The following DDX60 variants were observed in gnomAD, a reference collection of about 807,000 sequenced individuals.
DDX60 encodes the protein DExD/H-box helicase 60, also known as probable ATP-dependent RNA helicase DDX60.
Under a neutral mutation model 212.8 loss-of-function variants are expected in DDX60, and 165 were observed. The ratio of observed to expected loss-of-function variants is 0.78; its 90% CI spans 0.68 to 0.88. The LOEUF is 0.88. DDX60 is among the 40% of genes least tolerant of loss of function. The pLI, the probability that DDX60 is intolerant of heterozygous loss-of-function variation, is 0.00. For missense variants in DDX60, 1,905 were observed against 2,003.9 expected (o/e 0.95, Z 0.94); for synonymous variants, 703 against 685.3 (o/e 1.03, Z -0.40).
At chr4:168,297,297 CGAAAGAAAGAAAGAAAGAAA>C (rs70961508) in intron 6 of DDX60, among the ~76,000 whole-genome samples, 3,380 of 67,380 alleles carry the variant, frequency 0.05, 103 homozygotes, top group East Asian at 0.073. Context: ...GAGAGAGAGA[CGAAAGAAAGAAAGAAAGAAA>C]GAAAGAAAGA....
At chr4:168,250,080 C>T (rs1438536503) in intron 28 of DDX60, among the ~76,000 whole-genome samples, 2 of 152,320 alleles carry the variant, frequency 1.3e-5, no homozygotes, top group Admixed American at 1.3e-4. Context: ...AATCCCTGCG[C>T]ACTGTCATGG....
At chr4:168,301,609 G>T (rs146078019) in intron 6 of DDX60, among the ~76,000 whole-genome samples, 330 of 152,084 alleles carry the variant, frequency 2.2e-3, no homozygotes, top group African/African-American at 7.0e-3. Flanking sequence ...GGCAGCACTA[G>T]GACAGCTGTC....
chr4:168,255,712 T>C lies in DDX60; in HGVS notation c.3556A>G (p.Ile1186Val), dbSNP rs771605376. Residue 1186 changes from isoleucine to valine, a missense_variant and splice_region_variant, in exon 26 of 38, where the codon ATA (isoleucine) becomes GTA (valine). Coordinates refer to ENST00000393743, the MANE Select transcript of DDX60 (RefSeq NM_017631.6). The stretch of plus-strand genomic sequence containing the variant: ...CAATTTGTTTAGTTAACTACTTACA[T>C]GATCTTTTGTTTCTCTATGGATTTT... ...VKKSIEKQKI[I>V]DEKSQKKTRN... The C allele has an allele frequency of 1.2e-5, 19 of 1,583,580 alleles. No individual in the cohort carries two copies. The highest frequency in any genetic ancestry group is 1.5e-5 in the Non-Finnish European group (18 of 1,171,830).
At chr4:168,243,322 AAAAC>A in intron 30 of DDX60, among the ~76,000 whole-genome samples, 1 of 152,212 alleles carries the variant, frequency 6.6e-6, no homozygotes, top group South Asian at 2.1e-4. Flanking sequence ...ATCATCAGAG[AAAAC>A]AAACAACCTA....
chr4:168,316,829 G>A (rs536270980), intron 1 of DDX60, among the ~76,000 whole-genome samples: 4 of 151,492 alleles, frequency 2.6e-5, no homozygotes, highest in East Asian at 3.9e-4. Context: ...AGGCCAAGGC[G>A]GGCAGATCAC....
At chr4:168,263,844 G>T (rs1479194598) in intron 22 of DDX60, among the ~76,000 whole-genome samples, 1 of 152,126 alleles carries the variant, frequency 6.6e-6, no homozygotes, top group Admixed American at 6.5e-5. Context: ...GAAGCCTGTT[G>T]AATGGGCTAA....
chr4:168,317,372 A>G (rs958577186), intron 1 of DDX60, among the ~76,000 whole-genome samples: 9 of 152,186 alleles, frequency 5.9e-5, no homozygotes, highest in African/African-American at 2.2e-4. Flanking sequence ...TCTGATTCAA[A>G]CAATCTTAAA....
intron 8 of DDX60, among the ~76,000 whole-genome samples, chr4:168,291,300 C>T (rs961710226): frequency 6.6e-6 from 1 of 152,088 alleles, no homozygotes; most frequent in African/African-American, 2.4e-5. Flanking sequence ...ACAGTTATCC[C>T]TATTGATTAA....
Position 168,308,786 on chromosome 4 carries a change from T to G in DDX60, c.75-591A>C, listed in dbSNP as rs560854994. Among the ~76,000 whole-genome samples, 81 of 150,236 alleles carry G rather than the reference T, an allele frequency of 5.4e-4. 4 individuals are homozygous for G. The South Asian group carries it at 0.016, about 31-fold the overall frequency. On this transcript the variant is annotated intron_variant, in intron 3 of 37. Transcript: ENST00000393743. Reference sequence around the variant, plus strand: ...ATACTGATAAATGTATACTATATATTCAATAAATATATTAGAAAAATTTGT... The same window carrying G: ...ATACTGATAAATGTATACTATATATGCAATAAATATATTAGAAAAATTTGT...
At chr4:168,220,844 TTTC>T (rs750575573) in intron 36 of DDX60, 127 bp from the exon 37 acceptor site, 16 of 448,434 alleles carry the variant, frequency 3.6e-5, no homozygotes, top group Non-Finnish European at 6.2e-5. Context: ...CCAAAAATTA[TTTC>T]TGCCACAGAC....
At chr4:168,307,122 C>T (rs1275003761) in intron 4 of DDX60, among the ~76,000 whole-genome samples, 2 of 152,188 alleles carry the variant, frequency 1.3e-5, no homozygotes, top group African/African-American at 4.8e-5. Flanking sequence ...CCTCCTTAAG[C>T]AACTGAGATT....
chr4:168,294,439 A>G (rs1270177559), intron 6 of DDX60, among the ~76,000 whole-genome samples: 1 of 152,172 alleles, frequency 6.6e-6, no homozygotes, highest in African/African-American at 2.4e-5. Flanking sequence ...CATCTTCTGC[A>G]CAGCAAATGA....
Position 168,299,157 on chromosome 4 carries a change from C to CAAAAAAAAA in DDX60, c.723+3134_723+3142dup, listed in dbSNP as rs1197872492. On this transcript the variant is annotated intron_variant, in intron 6 of 37. Coordinates refer to ENST00000393743, the MANE Select transcript of DDX60 (RefSeq NM_017631.6). Reference sequence around the variant, plus strand: ...GCCTGGCGACAGAGCGAGACTGTCTCAAAAAAAAAAAAAAAAAAAAAAAAA... The same window carrying CAAAAAAAAA: ...GCCTGGCGACAGAGCGAGACTGTCTCAAAAAAAAAAAAAAAAAAAAAAAAAAAAAAAAAA... 3.7e-4 allele frequency among the ~76,000 whole-genome samples: 23 copies of CAAAAAAAAA among 61,934 alleles called. 1 individual carries two copies. Among genetic ancestry groups the CAAAAAAAAA allele is most frequent in the African/African-American group, 1.3e-3 (21 of 16,154 alleles). 40.6% of individuals were successfully genotyped at this position (61,934 alleles called of 152,430 possible).
At chr4:168,240,942 A>G (rs1733815156) in intron 30 of DDX60, among the ~76,000 whole-genome samples, 1 of 152,094 alleles carries the variant, frequency 6.6e-6, no homozygotes, top group South Asian at 2.1e-4. Context: ...TTGAATTGAA[A>G]CTCTCACAAT....
At position 168,287,288 on chromosome 4, in the gene DDX60, G is replaced by A. The variant is rs1388536860; in HGVS notation, c.1184-85C>T. On this transcript the variant is annotated intron_variant, in intron 9 of 37. Coordinates refer to ENST00000393743, the MANE Select transcript of DDX60 (RefSeq NM_017631.6). ...TTAGTCACATTTTGAGTAAATTCAT[G>A]GAATTCTGAAATACTTTCCACATAG... 14 of 1,276,472 alleles carry A rather than the reference G, an allele frequency of 1.1e-5. No homozygotes were observed. The Admixed American group carries it at 2.7e-4, about 25-fold the overall frequency. The allele number at this position is 1,276,472 out of a possible 1,614,324, so 79.1% of individuals were successfully genotyped here.
chr4:168,227,027 G>C (rs1166873639), intron 33 of DDX60, among the ~76,000 whole-genome samples: 1 of 152,032 alleles, frequency 6.6e-6, no homozygotes, highest in Non-Finnish European at 1.5e-5. Context: ...CATTATAGCA[G>C]CCCAAACAGA....
At chr4:168,320,414 G>T (rs577799110), upstream of DDX60, among the ~76,000 whole-genome samples, 1 of 152,078 alleles carries the variant, frequency 6.6e-6, no homozygotes, top group African/African-American at 2.4e-5. Flanking sequence ...AAGGGACCAC[G>T]GGCCAAGGAG....
At chr4:168,232,954 C>T (rs1049441680) in intron 33 of DDX60, among the ~76,000 whole-genome samples, 2 of 151,820 alleles carry the variant, frequency 1.3e-5, no homozygotes, top group African/African-American at 4.8e-5. Context: ...CACAAACTAT[C>T]CATCCAACAA....
At chr4:168,261,871 T>C (rs1380658891) in intron 24 of DDX60, 129 bp downstream of exon 24, 7 of 1,102,166 alleles carry the variant, frequency 6.4e-6, no homozygotes, top group Admixed American at 3.4e-5. Flanking sequence ...TTACTAGACT[T>C]CAAGTTCAAC....
Sources: allele counts gnomAD v4.1 joint callset (sites outside exome capture counted in the v4.1 genomes callset), GRCh38; gene constraint gnomAD v4.1.1; transcripts MANE v1.5; gene names NCBI Gene and HGNC (gene_info 2026-07-23, HGNC 2026-07-21).